The following CMTR1 variants were observed in gnomAD, a reference collection of about 807,000 sequenced individuals.
CMTR1 encodes cap methyltransferase 1, also known as cap-specific mRNA (nucleoside-2'-O-)-methyltransferase 1.
CMTR1 carries 39 observed loss-of-function variants against 107.0 expected under a neutral mutation model. The observed-to-expected ratio is 0.36, with a 90% CI of 0.28 to 0.48. CMTR1 has a LOEUF of 0.48. CMTR1 is among the 20% of genes least tolerant of loss of function. CMTR1 has a pLI of 0.99. For missense variants in CMTR1, 672 were observed against 1,064.9 expected, an observed-to-expected ratio of 0.63 and a Z score of 5.14; for synonymous variants, 366 against 379.5, an observed-to-expected ratio of 0.96 and a Z score of 0.41.
intron 2 of CMTR1, among the ~76,000 whole-genome samples, chr6:37,436,579 A>G (rs1324955091): frequency 1.3e-5 from 2 of 152,156 alleles, no homozygotes; most frequent in East Asian, 1.9e-4. Context: ...TACCACTTCT[A>G]GCTTCTGCTG....
In CMTR1 at chr6:37,481,195, GA is replaced by G; in HGVS notation, c.*1051del. 1 of 1,303,652 alleles carries G rather than the reference GA, an allele frequency of 7.7e-7. No homozygotes were observed. The highest frequency in any genetic ancestry group is 2.3e-5 in the Admixed American group (1 of 43,548). The allele number at this position is 1,303,652 out of a possible 1,614,324, so 80.8% of individuals were successfully genotyped here. On this transcript the variant is annotated 3_prime_UTR_variant, in exon 24 of 24. Transcript: ENST00000373451. Reference sequence around the variant, plus strand: ...TTATCTTGGCCGACAACACAGAGAGGAGGGGGAGCTGGGCAGTAGCTTGGGG... The same window carrying G: ...TTATCTTGGCCGACAACACAGAGAGGGGGGGAGCTGGGCAGTAGCTTGGGG...
At position 37,458,204 on chromosome 6, in the gene CMTR1, G is replaced by A. The variant is rs552345469; in HGVS notation, c.778-408G>A. Among the ~76,000 whole-genome samples the A allele has an allele frequency of 1.1e-4, 17 of 151,836 alleles. No homozygotes were observed. The highest frequency in any genetic ancestry group is 3.9e-4 in the East Asian group (2 of 5,172). On this transcript the variant is annotated intron_variant, in intron 8 of 23. Transcript: ENST00000373451. This position sits in a 1 kb window ranked among gnomAD's most constrained non-coding sequence, Gnocchi z 4.7. ...CGAGTAGCTGGGTTTACAGGTGTGC[G>A]CCACCACACCTGGCTAATTTTTTGT...
chr6:37,450,541 T>TC (rs1368938323), intron 5 of CMTR1, among the ~76,000 whole-genome samples, 198 bp downstream of exon 5: 1 of 152,220 alleles, frequency 6.6e-6, no homozygotes. Flanking sequence ...CAGGGTTTTT[T>TC]CTTTTCTCTA....
chr6:37,453,211 T>C (rs1033866850), intron 7 of CMTR1, 29 bp from the exon 8 acceptor site: 4 of 1,612,602 alleles, frequency 2.5e-6, no homozygotes, highest in Non-Finnish European at 1.7e-6. Flanking sequence ...CTAGTACATC[T>C]AGTACTTTTC....
At chr6:37,439,585 C>T (rs992233798) in intron 2 of CMTR1, among the ~76,000 whole-genome samples, 5 of 152,184 alleles carry the variant, frequency 3.3e-5, no homozygotes, top group Admixed American at 6.5e-5. Context: ...CTTCCTTTAT[C>T]GGTATCTGTT....
intron 4 of CMTR1, among the ~76,000 whole-genome samples, chr6:37,447,342 T>G (rs1477240734): frequency 6.6e-6 from 1 of 152,208 alleles, no homozygotes. Flanking sequence ...AGTGAGGGGC[T>G]CATGGGTTCT....
intron 9 of CMTR1, among the ~76,000 whole-genome samples, chr6:37,459,158 G>A (rs1448011434): frequency 1.3e-5 from 2 of 152,214 alleles, no homozygotes; most frequent in Non-Finnish European, 1.5e-5. Context: ...CCCATCTCTC[G>A]CCCTCTGTGC....
At chr6:37,442,164 A>G (rs748476090) in intron 2 of CMTR1, among the ~76,000 whole-genome samples, 1 of 152,236 alleles carries the variant, frequency 6.6e-6, no homozygotes, top group African/African-American at 2.4e-5. Flanking sequence ...CATTATATGT[A>G]GCATGATCTT....
At chr6:37,432,961 TTAAG>T, upstream of CMTR1, among the ~76,000 whole-genome samples, 1 of 152,246 alleles carries the variant, frequency 6.6e-6, no homozygotes, top group East Asian at 1.9e-4. Flanking sequence ...AATGATAAGA[TTAAG>T]TAAGATGAGG....
At position 37,453,077 on chromosome 6, in the gene CMTR1, A is replaced by T; in HGVS notation, c.640A>T (p.Met214Leu). 1 of 1,614,020 alleles carries T rather than the reference A, an allele frequency of 6.2e-7. No homozygotes were observed. Residue 214 changes from methionine (M) to leucine (L), a missense_variant, in exon 7 of 24, where the codon ATG (methionine) becomes TTG (leucine). Physicochemically the swap from Met to Leu is conservative, Grantham distance 15. Coordinates refer to ENST00000373451, the MANE Select transcript of CMTR1 (RefSeq NM_015050.3). ...GTTTGATGTCTTGGATGGGGAAGAG[A>T]TGCGGCGAGCTCGGACTCGGGCCAA... is the stretch of plus-strand genomic sequence containing the variant. ...SVFDVLDGEE[M>L]RRARTRANPY...
Position 37,480,051 on chromosome 6 carries a change from A to G in CMTR1, c.2414A>G (p.Asp805Gly). The change falls in exon 24 of 24, where the codon GAT becomes GGT. Residue 805 changes from aspartate to glycine, a missense_variant. Asp to Gly is a moderately conservative substitution (Grantham distance 94). Coordinates refer to ENST00000373451, the MANE Select transcript of CMTR1 (RefSeq NM_015050.3). ...YYGRLFWEWGDGIRVHDSQKP... is the reference protein window; with the variant it reads ...YYGRLFWEWGGGIRVHDSQKP... ...GGCCGGCTCTTCTGGGAGTGGGGGG[A>G]TGGCATTCGTGTGCATGACTCCCAG... is the stretch of plus-strand genomic sequence containing the variant. 6.3e-7 allele frequency: 1 copy of G among 1,580,084 alleles called. No individual in the cohort carries two copies. Among genetic ancestry groups the G allele is most frequent in the Non-Finnish European group, 8.6e-7 (1 of 1,167,524 alleles).
At chr6:37,452,813 A>G (rs1262494063) in intron 6 of CMTR1, among the ~76,000 whole-genome samples, 1 of 152,066 alleles carries the variant, frequency 6.6e-6, no homozygotes, top group Admixed American at 6.5e-5. Context: ...GCCGTTTTTT[A>G]AACACTTGCC....
intron 2 of CMTR1, among the ~76,000 whole-genome samples, chr6:37,440,131 C>T (rs564639643): frequency 2.6e-4 from 39 of 152,256 alleles, no homozygotes; most frequent in Admixed American, 2.4e-3. Flanking sequence ...CTGTTTTGGG[C>T]TCTCTGGTAG....
chr6:37,441,182 T>C (rs1771666586), intron 2 of CMTR1, among the ~76,000 whole-genome samples: 1 of 152,116 alleles, frequency 6.6e-6, no homozygotes, highest in African/African-American at 2.4e-5. Context: ...GTGAAGAGAA[T>C]CCATACCTTT....
Position 37,481,175 on chromosome 6 carries a change from T to C in CMTR1, c.*1030T>C, listed in dbSNP as rs1184280006. The C allele has an allele frequency of 7.7e-7, 1 of 1,304,028 alleles. No homozygotes were observed. The highest frequency in any genetic ancestry group is 1.0e-6 in the Non-Finnish European group (1 of 988,862). 80.8% of individuals were successfully genotyped at this position (1,304,028 alleles called of 1,614,324 possible). ...AGTGGTCACTCCCATTTCCTTTATC[T>C]TGGCCGACAACACAGAGAGGAGGGG... On this transcript the variant is annotated 3_prime_UTR_variant, in exon 24 of 24. Coordinates refer to ENST00000373451, the MANE Select transcript of CMTR1 (RefSeq NM_015050.3).
intron 2 of CMTR1, among the ~76,000 whole-genome samples, chr6:37,441,471 A>G (rs1010508236): frequency 3.3e-5 from 5 of 150,836 alleles, no homozygotes; most frequent in African/African-American, 1.2e-4. Context: ...CTGGAGTGCA[A>G]TGGCTCGATC....
chr6:37,479,830 T>C (rs1239678142), intron 23 of CMTR1, among the ~76,000 whole-genome samples, 183 bp from the exon 24 acceptor site: 4 of 152,210 alleles, frequency 2.6e-5, no homozygotes, highest in African/African-American at 9.6e-5. Context: ...AACAGCTGTT[T>C]GTTGGGAAAA....
At chr6:37,461,032 G>A (rs1761393133) in intron 10 of CMTR1, among the ~76,000 whole-genome samples, 1 of 152,204 alleles carries the variant, frequency 6.6e-6, no homozygotes, top group African/African-American at 2.4e-5. Context: ...AGGAAAGGGG[G>A]TATTGTAAGT....
Position 37,472,895 on chromosome 6 carries a change from G to C in CMTR1, c.1689+408G>C, listed in dbSNP as rs957389387. On this transcript the variant is annotated intron_variant, in intron 16 of 23. Coordinates refer to ENST00000373451, the MANE Select transcript of CMTR1 (RefSeq NM_015050.3). This position sits in a 1 kb window ranked among gnomAD's most constrained non-coding sequence, Gnocchi z 4.1. ...CCGCAGCAGGGTTGGCCTAACCCCA[G>C]GTTCTTTGTCTTATTTCTGGTGAGC... Among the ~76,000 whole-genome samples the C allele has an allele frequency of 6.6e-6, 1 of 152,160 alleles. No homozygotes were observed. The highest frequency in any genetic ancestry group is 1.5e-5 in the Non-Finnish European group (1 of 68,020).
Sources: gnomAD v4.1 joint callset for allele counts (sites outside exome capture counted in the v4.1 genomes callset) on GRCh38, gnomAD v4.1.1 for gene constraint, Gnocchi (gnomAD v3.1) non-coding constraint, MANE v1.5 for transcripts, NCBI Gene and HGNC (gene_info 2026-07-23, HGNC 2026-07-21) for gene names.